Variants in MAP4K4 observed in about 807,000 individuals in gnomAD.
MAP4K4 encodes mitogen-activated protein kinase kinase kinase kinase 4, also known as HPK/GCK-like kinase HGK.
A neutral mutation model predicts 189.6 loss-of-function variants in MAP4K4; 38 were observed. The observed-to-expected ratio is 0.20, with a 90% CI of 0.15 to 0.26. The LOEUF (loss-of-function observed/expected upper bound fraction) is 0.26. Among genes scored for constraint, MAP4K4 ranks in the 10% least tolerant of loss-of-function variants. The pLI is 1.00. For synonymous variants in MAP4K4, 610 were observed against 624.3 expected (o/e 0.98, Z 0.34); for missense variants, 1,054 against 1,726.9 (o/e 0.61, Z 6.91).
chr2:101,885,962 T>C (rs999603254), intron 29 of MAP4K4, among the ~76,000 whole-genome samples: 3 of 152,222 alleles, frequency 2.0e-5, no homozygotes, highest in Non-Finnish European at 4.4e-5. Flanking sequence ...TGCCTGGTGA[T>C]TGGCTTTTTA....
intron 2 of MAP4K4, among the ~76,000 whole-genome samples, chr2:101,740,093 A>G (rs1223622412): frequency 6.6e-6 from 1 of 151,702 alleles, no homozygotes; most frequent in Non-Finnish European, 1.5e-5. Context: ...GGAAAGTACT[A>G]CTGAACCTTC....
chr2:101,808,011 C>G (rs1362717558), intron 3 of MAP4K4, among the ~76,000 whole-genome samples: 1 of 152,216 alleles, frequency 6.6e-6, no homozygotes, highest in Non-Finnish European at 1.5e-5. Context: ...GGGAAGCATA[C>G]CCAAACTGTA....
At position 101,892,000 on chromosome 2, in the gene MAP4K4, AAAAAAAAAAAAAAAAGGAAAAAAAAAAAG is replaced by A. The variant is rs1410866278; in HGVS notation, c.*757_*785del. On this transcript the variant is annotated 3_prime_UTR_variant, in exon 33 of 33. Coordinates refer to ENST00000324219, the Ensembl canonical transcript of MAP4K4. ...TGCAGATGGTTCTAAAAAAAAAAAA[AAAAAAAAAAAAAAAAGGAAAAAAAAAAAG>A]AAAAAGAAAACGTGTGCATTTTGTA... The A allele has an allele frequency of 2.7e-5, 4 of 150,394 alleles. No homozygotes were observed. In the East Asian group the frequency reaches 7.8e-4, roughly 29 times the overall value. The allele number at this position is 150,394 out of a possible 1,614,324, so 9.3% of individuals were successfully genotyped here. A position where few individuals can be genotyped will look rare whatever the true frequency, so the allele number is the denominator to read the frequency against.
At chr2:101,766,786 T>C (rs1253683676) in intron 2 of MAP4K4, among the ~76,000 whole-genome samples, 1 of 152,220 alleles carries the variant, frequency 6.6e-6, no homozygotes, top group Non-Finnish European at 1.5e-5. Context: ...CTTCTTTATG[T>C]TACTGGTGGA....
intron 12 of MAP4K4, among the ~76,000 whole-genome samples, chr2:101,853,731 T>TAC (rs1559195392): frequency 1.2e-4 from 18 of 151,926 alleles, no homozygotes; most frequent in African/African-American, 1.5e-4. Context: ...TACATACATA[T>TAC]ATACATACAT....
chr2:101,873,717 G>C, exon 25 of MAP4K4: 1 of 1,612,928 alleles, frequency 6.2e-7, no homozygotes, highest in Non-Finnish European at 8.5e-7. Context: ...ATAGACCCCA[G>C]ATTACTACAG....
At chr2:101,789,868 G>C (rs914548537) in intron 2 of MAP4K4, among the ~76,000 whole-genome samples, 1 of 152,094 alleles carries the variant, frequency 6.6e-6, no homozygotes, top group South Asian at 2.1e-4. Flanking sequence ...GGTGAAAGGA[G>C]AATGATATCA....
intron 2 of MAP4K4, among the ~76,000 whole-genome samples, chr2:101,708,059 G>A (rs1158598173): frequency 1.3e-5 from 2 of 151,922 alleles, no homozygotes; most frequent in African/African-American, 4.8e-5. Flanking sequence ...TCTTGCCCAG[G>A]TTACTGGACT....
chr2:101,786,257 A>G (rs1575536472), intron 2 of MAP4K4, among the ~76,000 whole-genome samples: 1 of 152,224 alleles, frequency 6.6e-6, no homozygotes, highest in East Asian at 1.9e-4. Flanking sequence ...CCCCGCATTT[A>G]AAACCATGTG....
chr2:101,729,304 C>T (rs1363419205), intron 2 of MAP4K4, among the ~76,000 whole-genome samples: 8 of 152,152 alleles, frequency 5.3e-5, no homozygotes, highest in South Asian at 2.1e-4. Context: ...GACAGTGCTC[C>T]GTAGTACAAT....
At chr2:101,758,349 ACT>A (rs555177566) in intron 2 of MAP4K4, among the ~76,000 whole-genome samples, 30 of 152,186 alleles carry the variant, frequency 2.0e-4, no homozygotes, top group East Asian at 1.7e-3. Context: ...GCGTTGTGTT[ACT>A]CTCTGTTTGG....
chr2:101,804,423 C>T (rs2094700594), intron 3 of MAP4K4, among the ~76,000 whole-genome samples: 2 of 152,152 alleles, frequency 1.3e-5, no homozygotes, highest in South Asian at 4.1e-4. Context: ...GATTGGTCTC[C>T]AAGTCTGAGT....
chr2:101,729,415 A>G (rs985573155), intron 2 of MAP4K4, among the ~76,000 whole-genome samples: 2 of 152,024 alleles, frequency 1.3e-5, no homozygotes, highest in Non-Finnish European at 2.9e-5. Context: ...GTTTTGTGAA[A>G]CCTTTATTTT....
intron 9 of MAP4K4, among the ~76,000 whole-genome samples, chr2:101,839,385 G>C (rs984206819): frequency 2.6e-5 from 4 of 152,198 alleles, no homozygotes; most frequent in Non-Finnish European, 4.4e-5. Context: ...CCAGCATTTC[G>C]TCATGGATTC....
At chr2:101,810,104 T>C (rs1215119313) in intron 3 of MAP4K4, among the ~76,000 whole-genome samples, 1 of 152,186 alleles carries the variant, frequency 6.6e-6, no homozygotes, top group African/African-American at 2.4e-5. Flanking sequence ...TTTCTTCATT[T>C]TAAGTGAAGG....
intron 2 of MAP4K4, among the ~76,000 whole-genome samples, chr2:101,755,160 T>C (rs993863178): frequency 6.6e-6 from 1 of 151,144 alleles, no homozygotes; most frequent in African/African-American, 2.4e-5. Flanking sequence ...AAAAAATTAG[T>C]TTGTTGTTTT....
At chr2:101,720,254 A>G (rs2051030149) in intron 2 of MAP4K4, among the ~76,000 whole-genome samples, 3 of 150,152 alleles carry the variant, frequency 2.0e-5, no homozygotes, top group African/African-American at 4.9e-5. Context: ...GCTTGCTGCA[A>G]CTTCCACCTC....
intron 2 of MAP4K4, among the ~76,000 whole-genome samples, chr2:101,787,993 G>A (rs1222950003): frequency 6.6e-6 from 1 of 151,722 alleles, no homozygotes; most frequent in East Asian, 1.9e-4. Flanking sequence ...TAGTGGATTC[G>A]GGGTTTCACC....
intron 3 of MAP4K4, among the ~76,000 whole-genome samples, chr2:101,797,889 G>GTTTTTTTTTTTTTTTTTTTTTGTTTTTT (rs2093929940): frequency 1.9e-5 from 1 of 52,304 alleles, no homozygotes; most frequent in Non-Finnish European, 3.3e-5. Flanking sequence ...CATTCTTTTA[G>GTTTTTTTTTTTTTTTTTTTTTGTTTTTT]TTTTTTTTTT....
Sources: allele counts gnomAD v4.1 joint callset (sites outside exome capture counted in the v4.1 genomes callset), GRCh38; gene constraint gnomAD v4.1.1; transcripts MANE v1.5; gene names NCBI Gene and HGNC (gene_info 2026-07-23, HGNC 2026-07-21).